The following STAT5A variants were observed in gnomAD, a reference collection of about 807,000 sequenced individuals.
STAT5A encodes epididymis secretory sperm binding protein.
STAT5A carries 26 observed loss-of-function variants against 100.2 expected under a neutral mutation model. That is an observed-to-expected ratio of 0.26 (90% CI 0.19 to 0.36). STAT5A has a LOEUF of 0.36. Ranked by LOEUF, STAT5A falls within the 10% of genes least tolerant of loss-of-function variation. The probability of loss-of-function intolerance (pLI) is 1.00; values close to 1 mark genes in which losing one functional copy is unlikely to be tolerated. For missense variants in STAT5A, 634 were observed against 1,027.5 expected (o/e 0.62, Z 5.24); for synonymous variants, 330 against 424.3 (o/e 0.78, Z 2.73).
At chr17:42,297,550 T>C (rs2080930699) in intron 5 of STAT5A, among the ~76,000 whole-genome samples, 1 of 151,780 alleles carries the variant, frequency 6.6e-6, no homozygotes, top group Admixed American at 6.6e-5. Flanking sequence ...AAGGCTCAGC[T>C]GCCTCCAGTG....
At chr17:42,301,185 G>C (rs1375371110) in intron 8 of STAT5A, 90 bp from the exon 9 acceptor site, 4 of 1,553,486 alleles carry the variant, frequency 2.6e-6, no homozygotes, top group Non-Finnish European at 3.5e-6. Flanking sequence ...AGCCCCATGG[G>C]AGGCAGCCCC....
chr17:42,290,552 T>C (rs967363209), intron 3 of STAT5A, among the ~76,000 whole-genome samples: 11 of 152,172 alleles, frequency 7.2e-5, no homozygotes, highest in Non-Finnish European at 1.3e-4. Flanking sequence ...CAAGCACTTA[T>C]TGGAACTCAC....
At chr17:42,301,585 G>C in intron 9 of STAT5A, 131 bp downstream of exon 9, 2 of 1,360,352 alleles carry the variant, frequency 1.5e-6, no homozygotes, top group African/African-American at 1.4e-5. Flanking sequence ...CGAACTCCTG[G>C]ACTCATGCAG....
chr17:42,297,512 AC>A (rs1236217952), intron 5 of STAT5A, among the ~76,000 whole-genome samples: 1 of 151,864 alleles, frequency 6.6e-6, no homozygotes, highest in East Asian at 1.9e-4. Context: ...CAGCAGAAAC[AC>A]AGACTATTGA....
chr17:42,288,209 G>A (rs79532249), upstream of STAT5A: 1 of 152,182 alleles, frequency 6.6e-6, no homozygotes, highest in Non-Finnish European at 1.5e-5. The surrounding 1 kb of genome is among the most constrained non-coding windows in gnomAD (Gnocchi z 4.8). Context: ...ACATTCCCCC[G>A]GCTATTCTGA....
intron 18 of STAT5A, 45 bp downstream of exon 18, chr17:42,309,529 T>C: frequency 6.3e-7 from 1 of 1,587,290 alleles, no homozygotes; most frequent in Non-Finnish European, 8.6e-7. Context: ...AACTGGGGAC[T>C]TGGCCCCAGG....
intron 5 of STAT5A, among the ~76,000 whole-genome samples, chr17:42,297,523 A>G (rs2080930467): frequency 1.3e-5 from 2 of 151,806 alleles, no homozygotes; most frequent in South Asian, 4.2e-4. Context: ...CAGACTATTG[A>G]TCTGCTTTTG....
chr17:42,309,619 G>A (rs2081061629), intron 18 of STAT5A, 135 bp downstream of exon 18: 2 of 831,858 alleles, frequency 2.4e-6, no homozygotes, highest in African/African-American at 1.7e-5. Context: ...GATCAGCCAG[G>A]AAAACAGAGC....
chr17:42,306,309 A>G lies in STAT5A; in HGVS notation c.1542A>G (p.Lys514=). The stretch of plus-strand genomic sequence containing the variant: ...AGCTGTGTGAGGCGCTCAACATGAA[A>G]TTCAAGGCCGAAGTGCAGAGCAACC... ...WPQLCEALNM[K]FKAEVQSNRG... The change falls in exon 13 of 19, where the codon AAA becomes AAG. Residue 514 remains lysine (K), a synonymous_variant. Transcript: ENST00000590949. The G allele has an allele frequency of 6.2e-7, 1 of 1,614,044 alleles. No individual in the cohort carries two copies. The highest frequency in any genetic ancestry group is 2.2e-5 in the East Asian group (1 of 44,882).
intron 11 of STAT5A, 94 bp from the exon 12 acceptor site, chr17:42,305,516 C>T (rs1340683072): frequency 1.9e-6 from 2 of 1,057,322 alleles, no homozygotes; most frequent in African/African-American, 1.6e-5. Flanking sequence ...AAAAAAAATA[C>T]ATAAAAAAAA....
chr17:42,295,349 A>G (rs1483696984), intron 4 of STAT5A, among the ~76,000 whole-genome samples: 1 of 152,150 alleles, frequency 6.6e-6, no homozygotes, highest in African/African-American at 2.4e-5. Flanking sequence ...AGTGGAGGGC[A>G]GCTCTGACAT....
intron 18 of STAT5A, among the ~76,000 whole-genome samples, 185 bp from the exon 19 acceptor site, chr17:42,310,320 AGT>A (rs1412764881): frequency 6.6e-6 from 1 of 152,174 alleles, no homozygotes; most frequent in Non-Finnish European, 1.5e-5. Flanking sequence ...ATGCGAATAG[AGT>A]GGGGGTCTGC....
intron 9 of STAT5A, among the ~76,000 whole-genome samples, chr17:42,303,348 T>C (rs1418653444): frequency 2.0e-5 from 3 of 152,160 alleles, no homozygotes; most frequent in Non-Finnish European, 4.4e-5. Context: ...CTGGGGAGAC[T>C]GATGATAATA....
chr17:42,288,325 CG>C (rs1391566479), upstream of STAT5A: 1 of 152,174 alleles, frequency 6.6e-6, no homozygotes, highest in Non-Finnish European at 1.5e-5. The surrounding 1 kb of genome is among the most constrained non-coding windows in gnomAD (Gnocchi z 4.8). Context: ...CGCCGCCCGC[CG>C]GGAACGGCCG....
intron 5 of STAT5A, among the ~76,000 whole-genome samples, chr17:42,299,227 C>T (rs1482316128): frequency 1.3e-5 from 2 of 152,210 alleles, no homozygotes; most frequent in Non-Finnish European, 2.9e-5. Context: ...ACGAACCTCA[C>T]ACAGAGCTCA....
chr17:42,305,823 G>A (rs1192404628), intron 12 of STAT5A, 121 bp downstream of exon 12: 5 of 1,059,920 alleles, frequency 4.7e-6, no homozygotes, highest in East Asian at 5.2e-5. Context: ...GCCCAGAGGT[G>A]AGGTGAGGCC....
In STAT5A at chr17:42,308,431, G is replaced by A. The variant is rs750513326; in HGVS notation, c.2062+98G>A. 9.1e-6 allele frequency: 14 copies of A among 1,545,924 alleles called. No homozygotes were observed. Among genetic ancestry groups the A allele is most frequent in the Non-Finnish European group, 1.2e-5 (14 of 1,133,158 alleles). ...CTGCGCCGTGGGGACTTCCCCAGGA[G>A]GAGCCTAGGGGCCATGTCCCCTGTG... On this transcript the variant is annotated intron_variant, in intron 16 of 18. Transcript: ENST00000590949. This position sits in a 1 kb window ranked among gnomAD's most constrained non-coding sequence, Gnocchi z 4.6.
Position 42,301,366 on chromosome 17 carries a change from A to C in STAT5A, c.1081A>C (p.Asn361His). ...ACGCCTGCTGGTGGGCGGGAAGCTGAACGTGCACATGAATCCCCCCCAGGT... is the reference window on the plus strand; with the variant it reads ...ACGCCTGCTGGTGGGCGGGAAGCTGCACGTGCACATGAATCCCCCCCAGGT... ...TVRLLVGGKLNVHMNPPQVKA... is the reference protein window; with the variant it reads ...TVRLLVGGKLHVHMNPPQVKA... Residue 361 changes from asparagine (N) to histidine (H), a missense_variant, in exon 9 of 19, where the codon AAC becomes CAC. Physicochemically the swap from Asn to His is moderately conservative, Grantham distance 68 (BLOSUM62 1). Coordinates refer to ENST00000590949, the MANE Select transcript of STAT5A (RefSeq NM_001288718.2). The C allele has an allele frequency of 6.2e-7, 1 of 1,614,158 alleles. No homozygotes were observed. The highest frequency in any genetic ancestry group is 8.5e-7 in the Non-Finnish European group (1 of 1,180,026).
Position 42,304,658 on chromosome 17 carries a change from A to AC in STAT5A, c.1380+11dup, listed in dbSNP as rs750576110. 6.2e-7 allele frequency: 1 copy of AC among 1,613,422 alleles called. No individual in the cohort carries two copies. Among genetic ancestry groups the AC allele is most frequent in the Non-Finnish European group, 8.5e-7 (1 of 1,179,824 alleles). ...AGCTTGTGTTCCAGGTGAAGGTGAG[A>AC]CCCCCAGCCCTCCTGCCCCCACTGC... On this transcript the variant is annotated splice_region_variant and intron_variant, in intron 11 of 18. Coordinates refer to ENST00000590949, the MANE Select transcript of STAT5A (RefSeq NM_001288718.2). This position sits in a 1 kb window ranked among gnomAD's most constrained non-coding sequence, Gnocchi z 4.8.
Sources: allele counts gnomAD v4.1 joint callset (sites outside exome capture counted in the v4.1 genomes callset), GRCh38; gene constraint gnomAD v4.1.1; non-coding constraint Gnocchi (gnomAD v3.1); transcripts MANE v1.5; gene names NCBI Gene and HGNC (gene_info 2026-07-23, HGNC 2026-07-21).